Variants in LARGE1 observed in about 807,000 individuals in gnomAD.
LARGE1 encodes LARGE xylosyl- and glucuronyltransferase 1.
In LARGE1, 43 loss-of-function variants were observed where a neutral mutation model predicts 87.6. The observed-to-expected ratio is 0.49, with a 90% CI of 0.38 to 0.63. LARGE1 has a LOEUF of 0.63. Among genes scored for constraint, LARGE1 ranks in the 30% least tolerant of loss-of-function variants. The probability of loss-of-function intolerance (pLI) is 0.00; values close to 1 mark genes in which losing one functional copy is unlikely to be tolerated. For synonymous variants in LARGE1, 434 were observed against 394.6 expected (o/e 1.10, Z -1.18); for missense variants, 802 against 1,000.2 (o/e 0.80, Z 2.67).
chr22:33,687,382 CTGCT>C (rs2081976569), intron 2 of LARGE1, among the ~76,000 whole-genome samples: 1 of 139,792 alleles, frequency 7.2e-6, no homozygotes. Flanking sequence ...CTTTACCTTG[CTGCT>C]TTTTTTTTTT....
intron 7 of LARGE1, among the ~76,000 whole-genome samples, chr22:33,399,038 T>C (rs1037895479): frequency 6.6e-6 from 1 of 152,200 alleles, no homozygotes; most frequent in East Asian, 1.9e-4. Context: ...TACATAGATA[T>C]ACACGTGGCA....
intron 1 of LARGE1, among the ~76,000 whole-genome samples, chr22:33,862,247 A>G (rs2063950516): frequency 6.6e-6 from 1 of 152,168 alleles, no homozygotes; most frequent in African/African-American, 2.4e-5. Context: ...AACCCCTGGG[A>G]AGAAAACATC....
intron 6 of LARGE1, among the ~76,000 whole-genome samples, chr22:33,469,344 T>C (rs1470787621): frequency 6.6e-6 from 1 of 152,196 alleles, no homozygotes; most frequent in Non-Finnish European, 1.5e-5. Flanking sequence ...TAGAATACTA[T>C]GCAGTCATAA....
downstream of LARGE1, among the ~76,000 whole-genome samples, chr22:33,267,575 G>T (rs1034793784): frequency 6.6e-6 from 1 of 151,402 alleles, no homozygotes; most frequent in Non-Finnish European, 1.5e-5. Context: ...AGGTTTTCCT[G>T]GGATTCGGGG....
chr22:33,401,802 G>A (rs1359508566), intron 7 of LARGE1, among the ~76,000 whole-genome samples: 1 of 152,168 alleles, frequency 6.6e-6, no homozygotes, highest in Non-Finnish European at 1.5e-5. Context: ...CTAGAACTGT[G>A]AGAAAAAAAT....
chr22:33,894,104 T>G (rs1041648713), intron 1 of LARGE1, among the ~76,000 whole-genome samples: 1 of 151,922 alleles, frequency 6.6e-6, no homozygotes, highest in South Asian at 2.1e-4. Flanking sequence ...GCACTCAGGG[T>G]CACCCTCTAG....
At chr22:33,376,511 C>G (rs564499913) in intron 9 of LARGE1, among the ~76,000 whole-genome samples, 1 of 152,326 alleles carries the variant, frequency 6.6e-6, no homozygotes, top group Non-Finnish European at 1.5e-5. Flanking sequence ...GACATTCAAA[C>G]TGCAAACCAG....
At chr22:33,423,397 C>T (rs2147607719) in intron 7 of LARGE1, among the ~76,000 whole-genome samples, 1 of 151,900 alleles carries the variant, frequency 6.6e-6, no homozygotes, top group East Asian at 1.9e-4. Flanking sequence ...ATAATTATGG[C>T]TGGGCACGGT....
intron 1 of LARGE1, among the ~76,000 whole-genome samples, chr22:33,887,692 G>A (rs963854082): frequency 2.0e-5 from 3 of 151,802 alleles, no homozygotes; most frequent in Admixed American, 1.3e-4. Flanking sequence ...AGTTGACATC[G>A]TGCCACTGCA....
the LARGE1 span, among the ~76,000 whole-genome samples, chr22:33,095,744 GCACGGAGGTCA>G: frequency 6.6e-6 from 1 of 152,160 alleles, no homozygotes; most frequent in Non-Finnish European, 1.5e-5. Context: ...CCTGTGGTAG[GCACGGAGGTCA>G]CAGAGAATAA....
chr22:33,120,404 TTCTTTCC>T, the LARGE1 span, among the ~76,000 whole-genome samples: 1 of 98,382 alleles, frequency 1.0e-5, no homozygotes, highest in Non-Finnish European at 2.0e-5. Flanking sequence ...CTTTCTTTCT[TTCTTTCC>T]TTCTTTCTTT....
At chr22:33,088,763 G>A in the LARGE1 span, among the ~76,000 whole-genome samples, 1,454 of 152,252 alleles carry the variant, frequency 9.5e-3, 20 homozygotes, top group African/African-American at 0.032. Context: ...TTGAATCCCC[G>A]ACTTTTAGAG....
At chr22:33,135,669 G>T in the LARGE1 span, among the ~76,000 whole-genome samples, 49,458 of 151,702 alleles carry the variant, frequency 0.33, 8,265 homozygotes, top group South Asian at 0.46. Flanking sequence ...GCAAAACCCT[G>T]TCTCTACTAA....
intron 6 of LARGE1, among the ~76,000 whole-genome samples, chr22:33,536,999 T>C (rs888037911): frequency 1.3e-5 from 2 of 152,258 alleles, no homozygotes; most frequent in Middle Eastern, 6.8e-3. Context: ...TTAGTAGAGA[T>C]GGGGTTTCAC....
At chr22:33,330,302 T>C (rs968303015) in intron 10 of LARGE1, among the ~76,000 whole-genome samples, 1 of 152,140 alleles carries the variant, frequency 6.6e-6, no homozygotes, top group Non-Finnish European at 1.5e-5. Flanking sequence ...GTTTCTTGGA[T>C]ATTCTTTTAT....
chr22:33,646,423 T>G (rs570092741), intron 3 of LARGE1, among the ~76,000 whole-genome samples: 38 of 151,752 alleles, frequency 2.5e-4, no homozygotes, highest in African/African-American at 8.7e-4. Flanking sequence ...CATCACACAC[T>G]GGGACCTGTT....
intron 9 of LARGE1, among the ~76,000 whole-genome samples, chr22:33,350,169 A>G (rs1195650327): frequency 2.0e-5 from 3 of 152,212 alleles, no homozygotes. Context: ...ATTTTCTCTA[A>G]TGTTCATCAT....
At chr22:33,731,057 C>T (rs1015784355) in intron 2 of LARGE1, among the ~76,000 whole-genome samples, 42 of 143,614 alleles carry the variant, frequency 2.9e-4, no homozygotes, top group African/African-American at 1.1e-3. Context: ...GGCTGGAGTG[C>T]AGTGGTGTGA....
intron 4 of LARGE1, among the ~76,000 whole-genome samples, chr22:33,619,372 T>A (rs934271190): frequency 1.3e-5 from 2 of 151,908 alleles, no homozygotes; most frequent in African/African-American, 4.8e-5. Flanking sequence ...CTGGCCAACG[T>A]GGCAAAACCC....
Sources: allele counts gnomAD v4.1 joint callset (sites outside exome capture counted in the v4.1 genomes callset), GRCh38; gene constraint gnomAD v4.1.1; transcripts MANE v1.5; gene names NCBI Gene and HGNC (gene_info 2026-07-23, HGNC 2026-07-21).